MAGI2: variants seen among roughly 807,000 people sequenced by gnomAD.
MAGI2 encodes membrane associated guanylate kinase, WW and PDZ domain containing 2, also known as membrane-associated guanylate kinase, WW and PDZ domain-containing protein 2.
Under a neutral mutation model 133.3 loss-of-function variants are expected in MAGI2, and 35 were observed. That is an observed-to-expected ratio of 0.26 (90% CI 0.20 to 0.35). The LOEUF (loss-of-function observed/expected upper bound fraction) is 0.35. Ranked by LOEUF, MAGI2 falls within the 10% of genes least tolerant of loss-of-function variation. The probability of loss-of-function intolerance (pLI) is 1.00; values close to 1 mark genes in which losing one functional copy is unlikely to be tolerated. For missense variants in MAGI2, 1,636 were observed against 1,863.4 expected, an observed-to-expected ratio of 0.88 and a Z score of 2.25; for synonymous variants, 729 against 710.6, an observed-to-expected ratio of 1.03 and a Z score of -0.41.
Position 78,994,593 on chromosome 7 carries a change from T to C in MAGI2, c.418+12497A>G, listed in dbSNP as rs190704536. On this transcript the variant is annotated intron_variant, in intron 2 of 21. Transcript: ENST00000354212. ...ACTGTCAGAGAAACCAGACCTATAG[T>C]GACTAAGGAGGTAACATAATACATC... Among the ~76,000 whole-genome samples the C allele has an allele frequency of 4.8e-4, 73 of 152,186 alleles. 1 individual carries two copies. The highest frequency in any genetic ancestry group is 1.2e-4 in the Non-Finnish European group (8 of 67,982).
chr7:78,378,223 C>A (rs1196892638), intron 6 of MAGI2, among the ~76,000 whole-genome samples: 1 of 151,078 alleles, frequency 6.6e-6, no homozygotes, highest in Admixed American at 6.6e-5. Context: ...ATGAAATAAA[C>A]AAAAAGGTAA....
At chr7:78,279,986 C>T (rs1475816656) in intron 9 of MAGI2, among the ~76,000 whole-genome samples, 2 of 152,130 alleles carry the variant, frequency 1.3e-5, no homozygotes, top group African/African-American at 2.4e-5. Flanking sequence ...TCAGCTTAAA[C>T]ATGGCAAGCA....
At chr7:78,926,489 C>G (rs1365550685) in intron 2 of MAGI2, among the ~76,000 whole-genome samples, 1 of 151,936 alleles carries the variant, frequency 6.6e-6, no homozygotes, top group Non-Finnish European at 1.5e-5. Context: ...CTCCAGTCTC[C>G]CAGTTGCCCT....
chr7:79,190,513 T>G (rs1827556999), intron 1 of MAGI2, among the ~76,000 whole-genome samples: 1 of 151,926 alleles, frequency 6.6e-6, no homozygotes, highest in South Asian at 2.1e-4. Flanking sequence ...TTGTATATTT[T>G]GGATACCAAT....
intron 14 of MAGI2, among the ~76,000 whole-genome samples, chr7:78,176,564 C>CCACT (rs1015893850): frequency 3.3e-5 from 5 of 152,228 alleles, no homozygotes; most frequent in African/African-American, 1.2e-4. Flanking sequence ...GGGAAGGAGC[C>CCACT]CACTCTTCAC....
chr7:79,105,565 G>C (rs1031285111), intron 1 of MAGI2, among the ~76,000 whole-genome samples: 4 of 152,112 alleles, frequency 2.6e-5, no homozygotes, highest in Non-Finnish European at 5.9e-5. Context: ...AATTTAAACT[G>C]TTATTTTCTC....
intron 6 of MAGI2, among the ~76,000 whole-genome samples, chr7:78,407,261 A>T (rs1263204745): frequency 4.6e-5 from 7 of 151,984 alleles, no homozygotes; most frequent in Admixed American, 4.6e-4. Flanking sequence ...TGCTCTACTC[A>T]CTGAGTTCAG....
intron 5 of MAGI2, among the ~76,000 whole-genome samples, chr7:78,500,811 G>A (rs1032933584): frequency 6.6e-6 from 1 of 151,894 alleles, no homozygotes; most frequent in African/African-American, 2.4e-5. Context: ...TTTTTTGGCT[G>A]GGCGCAGTGG....
At chr7:79,207,963 C>T (rs964460606) in intron 1 of MAGI2, among the ~76,000 whole-genome samples, 8 of 151,936 alleles carry the variant, frequency 5.3e-5, no homozygotes, top group Non-Finnish European at 1.2e-4. Context: ...ATAAATGATG[C>T]TGGGAAAACT....
intron 9 of MAGI2, among the ~76,000 whole-genome samples, chr7:78,316,357 C>A (rs911716454): frequency 3.9e-5 from 6 of 152,144 alleles, no homozygotes; most frequent in African/African-American, 1.4e-4. Context: ...CTGCCCTTTC[C>A]TCTCCTTTAT....
intron 1 of MAGI2, chr7:79,354,474 T>A (rs1383430335): frequency 1.3e-5 from 2 of 152,370 alleles, no homozygotes; most frequent in Non-Finnish European, 2.9e-5. Flanking sequence ...TGGGCAGGGT[T>A]TGGGCCCATA....
At chr7:78,916,822 C>T (rs921108629) in intron 2 of MAGI2, among the ~76,000 whole-genome samples, 1 of 152,078 alleles carries the variant, frequency 6.6e-6, no homozygotes, top group Non-Finnish European at 1.5e-5. Context: ...GGCTTATATG[C>T]CACACCCAAG....
At chr7:79,015,818 G>T (rs1046658516) in intron 1 of MAGI2, among the ~76,000 whole-genome samples, 3 of 152,100 alleles carry the variant, frequency 2.0e-5, no homozygotes, top group African/African-American at 7.2e-5. Flanking sequence ...TGTTATACAT[G>T]TACAGCATCC....
chr7:78,855,765 C>A (rs1007086005), intron 2 of MAGI2, among the ~76,000 whole-genome samples: 1 of 152,108 alleles, frequency 6.6e-6, no homozygotes, highest in Non-Finnish European at 1.5e-5. Context: ...TTTGGGTATA[C>A]GCCCAGTAAT....
chr7:78,749,943 TTATATAGG>T (rs1035451638), intron 2 of MAGI2, among the ~76,000 whole-genome samples: 1 of 152,128 alleles, frequency 6.6e-6, no homozygotes, highest in African/African-American at 2.4e-5. Context: ...CGGAGGCTTG[TTATATAGG>T]TATACACGTG....
chr7:78,733,135 T>C (rs1019548856), intron 2 of MAGI2, among the ~76,000 whole-genome samples: 1 of 152,116 alleles, frequency 6.6e-6, no homozygotes, highest in African/African-American at 2.4e-5. Context: ...ACATGTGAGG[T>C]TCATGAGGAA....
intron 2 of MAGI2, among the ~76,000 whole-genome samples, chr7:78,789,479 C>T (rs1827095876): frequency 1.3e-5 from 2 of 152,214 alleles, no homozygotes; most frequent in Non-Finnish European, 2.9e-5. Flanking sequence ...AAACATTTTG[C>T]ATATTCTTTT....
intron 14 of MAGI2, among the ~76,000 whole-genome samples, chr7:78,172,155 ACT>A (rs1826174836): frequency 6.6e-6 from 1 of 152,050 alleles, no homozygotes; most frequent in African/African-American, 2.4e-5. Context: ...CAGGGGAAAA[ACT>A]CACACTAAAA....
chr7:79,443,176 G>A (rs1848603481), intron 1 of MAGI2, among the ~76,000 whole-genome samples: 1 of 152,022 alleles, frequency 6.6e-6, no homozygotes, highest in Admixed American at 6.6e-5. Context: ...GGATGCTGAG[G>A]CAGAAGAATC....
Sources: gnomAD v4.1 joint callset for allele counts (sites outside exome capture counted in the v4.1 genomes callset) on GRCh38, gnomAD v4.1.1 for gene constraint, MANE v1.5 for transcripts, NCBI Gene and HGNC (gene_info 2026-07-23, HGNC 2026-07-21) for gene names.